Variants in ANGPT4 observed in about 807,000 individuals in gnomAD.
ANGPT4 encodes angiopoietin 4.
ANGPT4 carries 50 observed loss-of-function variants against 53.0 expected under a neutral mutation model. That is an observed-to-expected ratio of 0.94 (90% CI 0.75 to 1.20). The LOEUF is 1.20. ANGPT4 is among the 50% of genes most tolerant of loss of function. ANGPT4 has a pLI of 0.00. For synonymous variants in ANGPT4, 251 were observed against 259.7 expected, an observed-to-expected ratio of 0.97 and a Z score of 0.32; for missense variants, 648 against 637.1, an observed-to-expected ratio of 1.02 and a Z score of -0.18.
At chr20:901,891 G>A (rs111229659) in intron 1 of ANGPT4, among the ~76,000 whole-genome samples, 23 of 152,246 alleles carry the variant, frequency 1.5e-4, no homozygotes, top group African/African-American at 5.3e-4. Flanking sequence ...CAGCCTGGGC[G>A]ACAGAGCAAA....
intron 1 of ANGPT4, among the ~76,000 whole-genome samples, chr20:903,365 C>T (rs536251903): frequency 3.2e-3 from 491 of 152,300 alleles, no homozygotes; most frequent in Non-Finnish European, 5.2e-3. Context: ...CCCTCGGGCG[C>T]ATGCAGAATC....
intron 3 of ANGPT4, among the ~76,000 whole-genome samples, chr20:886,694 C>G (rs60748410): frequency 6.6e-6 from 1 of 152,058 alleles, no homozygotes; most frequent in Non-Finnish European, 1.5e-5. Flanking sequence ...TATTTTATAA[C>G]AAAATGTTGA....
chr20:907,297 A>G (rs1270630975), intron 1 of ANGPT4, among the ~76,000 whole-genome samples: 3 of 152,082 alleles, frequency 2.0e-5, no homozygotes, highest in Admixed American at 1.3e-4. Context: ...TGTTCATCCC[A>G]GGTGAAAGGC....
intron 1 of ANGPT4, among the ~76,000 whole-genome samples, chr20:898,079 A>C (rs1460856505): frequency 6.6e-6 from 1 of 150,902 alleles, no homozygotes; most frequent in Admixed American, 6.6e-5. Context: ...ACTCATCCCA[A>C]ATCTTTTTTT....
Position 915,897 on chromosome 20 carries a change from GC to G in ANGPT4, c.309+8del, listed in dbSNP as rs1372351079. The G allele has an allele frequency of 6.4e-7, 1 of 1,554,586 alleles. No homozygotes were observed. Among genetic ancestry groups the G allele is most frequent in the Non-Finnish European group, 8.7e-7 (1 of 1,147,098 alleles). ...CCTCTGCCCCCTGCAAACCTCCCAT[GC>G]CCCGTACCTTCTTCAGCCACTGCGT... On this transcript the variant is annotated splice_region_variant and intron_variant, in intron 1 of 8. Coordinates refer to ENST00000381922, the MANE Select transcript of ANGPT4 (RefSeq NM_015985.4).
chr20:901,330 G>A (rs1000780532), intron 1 of ANGPT4, among the ~76,000 whole-genome samples: 3 of 152,146 alleles, frequency 2.0e-5, no homozygotes, highest in African/African-American at 7.2e-5. Flanking sequence ...CTTAACTGAT[G>A]ACATTACCTT....
chr20:877,290 G>A (rs545978407), intron 7 of ANGPT4, among the ~76,000 whole-genome samples: 3 of 152,330 alleles, frequency 2.0e-5, no homozygotes, highest in Middle Eastern at 3.4e-3. Flanking sequence ...CAGATGACAC[G>A]TGAGATTTTT....
intron 8 of ANGPT4, among the ~76,000 whole-genome samples, chr20:873,415 C>A (rs1051420656): frequency 6.6e-6 from 1 of 151,826 alleles, no homozygotes; most frequent in South Asian, 2.1e-4. Context: ...CCTCACTGAA[C>A]CTGTCTTTCC....
intron 4 of ANGPT4, 25 bp downstream of exon 4, chr20:885,053 A>G (rs1366574629): frequency 1.2e-6 from 2 of 1,612,920 alleles, no homozygotes; most frequent in Non-Finnish European, 1.7e-6. Flanking sequence ...CTTTAGCCAC[A>G]CTGGGGCGCA....
At chr20:874,461 G>A (rs374899414) in intron 7 of ANGPT4, 47 bp from the exon 8 acceptor site, 4 of 1,608,296 alleles carry the variant, frequency 2.5e-6, no homozygotes, top group African/African-American at 1.3e-5. Context: ...CCAGAGTCAG[G>A]TTGGGGCTGT....
At chr20:881,839 G>A (rs1981421243) in intron 4 of ANGPT4, among the ~76,000 whole-genome samples, 1 of 152,206 alleles carries the variant, frequency 6.6e-6, no homozygotes, top group Non-Finnish European at 1.5e-5. Context: ...GCCTGGAGGG[G>A]ATGAGACTCA....
At chr20:909,079 C>T (rs575136) in intron 1 of ANGPT4, among the ~76,000 whole-genome samples, 23,322 of 152,020 alleles carry the variant, frequency 0.15, 4,031 homozygotes, top group African/African-American at 0.43. Context: ...CCAGTCTGCC[C>T]GGGTACGAAC....
chr20:881,370 GC>G, intron 4 of ANGPT4, 84 bp from the exon 5 acceptor site: 1 of 1,272,538 alleles, frequency 7.9e-7, no homozygotes, highest in Non-Finnish European at 1.1e-6. Flanking sequence ...CCTGCTTTGT[GC>G]CAGGTTCTGG....
chr20:905,073 A>G (rs1982425884), intron 1 of ANGPT4, among the ~76,000 whole-genome samples: 1 of 152,052 alleles, frequency 6.6e-6, no homozygotes, highest in Non-Finnish European at 1.5e-5. Flanking sequence ...TCTCAGTAGC[A>G]CCAAAGCATC....
intron 1 of ANGPT4, among the ~76,000 whole-genome samples, chr20:907,237 G>T (rs1309603662): frequency 6.6e-6 from 1 of 152,110 alleles, no homozygotes; most frequent in East Asian, 1.9e-4. Context: ...TGGAATATTT[G>T]GGACTTCCCT....
At chr20:897,744 T>C (rs1982114341) in intron 1 of ANGPT4, among the ~76,000 whole-genome samples, 1 of 152,198 alleles carries the variant, frequency 6.6e-6, no homozygotes, top group Non-Finnish European at 1.5e-5. Flanking sequence ...TCTAGCTTTC[T>C]CTTTAAACTT....
chr20:904,004 G>A (rs1027013644), intron 1 of ANGPT4, among the ~76,000 whole-genome samples: 2 of 152,156 alleles, frequency 1.3e-5, no homozygotes, highest in Non-Finnish European at 2.9e-5. Context: ...AGGAGCTAAT[G>A]GCCAGATCTG....
At position 872,146 on chromosome 20, in the gene ANGPT4, C is replaced by G. The variant is rs756022478; in HGVS notation, c.*814G>C. 2 of 152,232 alleles carry G rather than the reference C, an allele frequency of 1.3e-5. No individual in the cohort carries two copies. Among genetic ancestry groups the G allele is most frequent in the Non-Finnish European group, 2.9e-5 (2 of 68,052 alleles). 9.4% of individuals were successfully genotyped at this position (152,232 alleles called of 1,614,324 possible). The stretch of plus-strand genomic sequence containing the variant: ...ACTTGGCCATATTAAAGGCTCTGAT[C>G]AGTCCTGCAGTGAAGAGTGCCTGTT... On this transcript the variant is annotated 3_prime_UTR_variant, in exon 9 of 9. Coordinates refer to ENST00000381922, the MANE Select transcript of ANGPT4 (RefSeq NM_015985.4).
chr20:887,636 C>CTTTTTT (rs55666688), intron 3 of ANGPT4, among the ~76,000 whole-genome samples: 1 of 130,504 alleles, frequency 7.7e-6, no homozygotes, highest in Non-Finnish European at 1.7e-5. Flanking sequence ...CTCATGACCG[C>CTTTTTT]TTTTTTTTTT....
Sources: allele counts gnomAD v4.1 joint callset (sites outside exome capture counted in the v4.1 genomes callset), GRCh38; gene constraint gnomAD v4.1.1; transcripts MANE v1.5; gene names NCBI Gene and HGNC (gene_info 2026-07-23, HGNC 2026-07-21).